PITPNM3: variants seen among roughly 807,000 people sequenced by gnomAD.
PITPNM3 encodes the protein membrane-associated phosphatidylinositol transfer protein 3.
PITPNM3 carries 26 observed loss-of-function variants against 102.0 expected under a neutral mutation model. That is an observed-to-expected ratio of 0.25 (90% CI 0.19 to 0.35). PITPNM3 has a LOEUF of 0.35. Ranked by LOEUF, PITPNM3 falls within the 10% of genes least tolerant of loss-of-function variation. The pLI, the probability that PITPNM3 is intolerant of heterozygous loss-of-function variation, is 1.00. For synonymous variants in PITPNM3, 578 were observed against 558.6 expected (o/e 1.03, Z -0.49); for missense variants, 1,083 against 1,346.1 (o/e 0.80, Z 3.06).
chr17:6,495,671 C>A (rs1289118131), intron 4 of PITPNM3, among the ~76,000 whole-genome samples: 1 of 152,070 alleles, frequency 6.6e-6, no homozygotes. Context: ...GTGCATGCTG[C>A]AGGCACCCTT....
intron 6 of PITPNM3, among the ~76,000 whole-genome samples, chr17:6,483,203 C>T (rs1447548147): frequency 6.6e-6 from 1 of 152,090 alleles, no homozygotes; most frequent in Non-Finnish European, 1.5e-5. Flanking sequence ...CTCAGCCTCC[C>T]AAAGTGCTGG....
intron 3 of PITPNM3, among the ~76,000 whole-genome samples, chr17:6,511,515 G>C (rs1473085949): frequency 6.6e-6 from 1 of 152,184 alleles, no homozygotes; most frequent in Non-Finnish European, 1.5e-5. Context: ...ATAATTTTCA[G>C]GGCCCAGTGT....
chr17:6,537,629 G>A lies in PITPNM3; in HGVS notation c.118+358C>T, dbSNP rs534755629. On this transcript the variant is annotated intron_variant, in intron 2 of 19. Transcript: ENST00000262483. The surrounding 1 kb of genome is among the most constrained non-coding windows in gnomAD (Gnocchi z 4.4). ...ACAGCTGGCACTTTTACTTAGCAGC[G>A]GCACTTTTACTTAGTGGCGATGGTC... is the stretch of plus-strand genomic sequence containing the variant. Among the ~76,000 whole-genome samples the A allele has an allele frequency of 7.2e-5, 11 of 152,236 alleles. No homozygotes were observed. The highest frequency in any genetic ancestry group is 3.9e-4 in the East Asian group (2 of 5,158).
intron 3 of PITPNM3, among the ~76,000 whole-genome samples, chr17:6,506,354 T>G (rs1597390625): frequency 6.7e-6 from 1 of 149,612 alleles, no homozygotes; most frequent in Non-Finnish European, 1.5e-5. Flanking sequence ...TTCCTTCCTT[T>G]CTATTCTTTT....
intron 1 of PITPNM3, among the ~76,000 whole-genome samples, chr17:6,544,440 G>A (rs1909902264): frequency 6.6e-6 from 1 of 152,148 alleles, no homozygotes; most frequent in Non-Finnish European, 1.5e-5. Flanking sequence ...GCTGAGGTGG[G>A]AGGATCACTT....
intron 1 of PITPNM3, among the ~76,000 whole-genome samples, chr17:6,538,295 C>T (rs1404449897): frequency 2.0e-5 from 3 of 152,138 alleles, no homozygotes; most frequent in African/African-American, 4.8e-5. Flanking sequence ...AGCAGGAATG[C>T]GTGTGCCCAT....
intron 2 of PITPNM3, among the ~76,000 whole-genome samples, chr17:6,527,214 G>A (rs1042391826): frequency 3.3e-5 from 5 of 152,252 alleles, no homozygotes; most frequent in African/African-American, 1.2e-4. Flanking sequence ...AAACAAATAT[G>A]AGGTGATATT....
Position 6,478,635 on chromosome 17 carries a change from T to C in PITPNM3, c.689A>G (p.Gln230Arg). 1 of 1,613,996 alleles carries C rather than the reference T, an allele frequency of 6.2e-7. No homozygotes were observed. Among genetic ancestry groups the C allele is most frequent in the East Asian group, 2.2e-5 (1 of 44,856 alleles). ...PLLAISSPQY[Q>R]DAVATVIERA... ...CTCGATGACGGTGGCGACAGCATCC[T>C]GGTACTGCGGGGAGGAGATGGCCAA... is the stretch of plus-strand genomic sequence containing the variant. Residue 230 changes from glutamine to arginine, a missense_variant, in exon 7 of 20, where the codon CAG (glutamine) becomes CGG (arginine). Physicochemically the swap from Gln to Arg is conservative, Grantham distance 43. Coordinates refer to ENST00000262483, the MANE Select transcript of PITPNM3 (RefSeq NM_031220.4). The surrounding 1 kb of genome is among the most constrained non-coding windows in gnomAD (Gnocchi z 4.4).
chr17:6,499,950 C>T (rs1907075922), intron 4 of PITPNM3, among the ~76,000 whole-genome samples: 1 of 152,154 alleles, frequency 6.6e-6, no homozygotes, highest in Non-Finnish European at 1.5e-5. Flanking sequence ...AGGCTGGTCT[C>T]GAACTCCTGA....
In PITPNM3 at chr17:6,556,510, C is replaced by T. The variant is rs1910625093; in HGVS notation, c.-104G>A. 6.5e-6 allele frequency: 5 copies of T among 772,162 alleles called. No individual in the cohort carries two copies. Among genetic ancestry groups the T allele is most frequent in the African/African-American group, 1.9e-5 (1 of 52,726 alleles). 47.8% of individuals were successfully genotyped at this position (772,162 alleles called of 1,614,324 possible). The stretch of plus-strand genomic sequence containing the variant: ...GAACGGACTCCGAGCGCCGCGCCCG[C>T]GCCCCCGCCCCGCTCGCCTCGGCTG... On this transcript the variant is annotated 5_prime_UTR_variant, in exon 1 of 20. Coordinates refer to ENST00000262483, the MANE Select transcript of PITPNM3 (RefSeq NM_031220.4). This position sits in a 1 kb window ranked among gnomAD's most constrained non-coding sequence, Gnocchi z 5.2.
At chr17:6,477,912 C>T in intron 8 of PITPNM3, 63 bp downstream of exon 8, 1 of 1,601,962 alleles carries the variant, frequency 6.2e-7, no homozygotes, top group Non-Finnish European at 8.5e-7. Context: ...GCACTCTCTC[C>T]CCGAGGGGCA....
In PITPNM3 at chr17:6,537,730, C is replaced by A. The variant is rs535652670; in HGVS notation, c.118+257G>T. On this transcript the variant is annotated intron_variant, in intron 2 of 19. Coordinates refer to ENST00000262483, the MANE Select transcript of PITPNM3 (RefSeq NM_031220.4). The surrounding 1 kb of genome is among the most constrained non-coding windows in gnomAD (Gnocchi z 4.4). ...AAGTATGATGAGAGCAGCAATGTGA[C>A]GACTGATTGCCACAGGATCCCTGGC... Among the ~76,000 whole-genome samples, 2 of 152,228 alleles carry A rather than the reference C, an allele frequency of 1.3e-5. No individual in the cohort carries two copies. The highest frequency in any genetic ancestry group is 2.4e-5 in the African/African-American group (1 of 41,458).
At chr17:6,549,221 C>T (rs1205897682) in intron 1 of PITPNM3, among the ~76,000 whole-genome samples, 1 of 152,096 alleles carries the variant, frequency 6.6e-6, no homozygotes, top group Non-Finnish European at 1.5e-5. Flanking sequence ...CAGCCCTGGC[C>T]ACACGGACTA....
intron 4 of PITPNM3, among the ~76,000 whole-genome samples, chr17:6,499,982 C>T (rs906056388): frequency 5.3e-5 from 8 of 152,216 alleles, no homozygotes; most frequent in African/African-American, 1.7e-4. Flanking sequence ...CTGCCTGCCT[C>T]GGTCTGCCAA....
chr17:6,492,423 A>C (rs773824219), intron 4 of PITPNM3, among the ~76,000 whole-genome samples: 17 of 152,214 alleles, frequency 1.1e-4, no homozygotes, highest in Non-Finnish European at 2.4e-4. Flanking sequence ...AAACACTACA[A>C]AGAAAAAAGT....
chr17:6,506,202 C>T (rs529436399), intron 3 of PITPNM3, among the ~76,000 whole-genome samples: 1 of 151,738 alleles, frequency 6.6e-6, no homozygotes, highest in East Asian at 1.9e-4. Context: ...ATGAGGAAGG[C>T]CTCATGCAAA....
chr17:6,466,661 A>C (rs868329567), intron 14 of PITPNM3, among the ~76,000 whole-genome samples: 6 of 152,348 alleles, frequency 3.9e-5, no homozygotes, highest in African/African-American at 1.4e-4. Context: ...GAAATGGTAC[A>C]GTCACTGTGG....
intron 3 of PITPNM3, among the ~76,000 whole-genome samples, chr17:6,507,072 C>T (rs1035567303): frequency 1.3e-5 from 2 of 152,272 alleles, no homozygotes; most frequent in Admixed American, 6.5e-5. Context: ...CTCAGCCCTG[C>T]CTGCTCCCAG....
chr17:6,538,916 C>T (rs1028321880), intron 1 of PITPNM3, among the ~76,000 whole-genome samples: 8 of 152,216 alleles, frequency 5.3e-5, no homozygotes, highest in Admixed American at 6.5e-5. Context: ...CAGTTCACCA[C>T]ACCCCCTACC....
Sources: gnomAD v4.1 joint callset for allele counts (sites outside exome capture counted in the v4.1 genomes callset) on GRCh38, gnomAD v4.1.1 for gene constraint, Gnocchi (gnomAD v3.1) non-coding constraint, MANE v1.5 for transcripts, NCBI Gene and HGNC (gene_info 2026-07-23, HGNC 2026-07-21) for gene names.